The following RNF130 variants were observed in gnomAD, a reference collection of about 807,000 sequenced individuals.
RNF130 encodes the protein E3 ubiquitin-protein ligase RNF130.
In RNF130, 21 loss-of-function variants were observed where a neutral mutation model predicts 44.6. The observed-to-expected ratio is 0.47, with a 90% CI of 0.33 to 0.68. RNF130 has a LOEUF of 0.68. RNF130 is among the 30% of genes least tolerant of loss of function. The pLI, the probability that RNF130 is intolerant of heterozygous loss-of-function variation, is 0.02. For synonymous variants in RNF130, 214 were observed against 210.4 expected (o/e 1.02, Z -0.15); for missense variants, 479 against 560.6 (o/e 0.85, Z 1.47).
intron 2 of RNF130, among the ~76,000 whole-genome samples, chr5:180,033,805 TTCTA>T (rs1764188816): frequency 6.6e-6 from 1 of 152,202 alleles, no homozygotes; most frequent in African/African-American, 2.4e-5. Flanking sequence ...TTTTAATAAA[TTCTA>T]TCTGATTTTC....
At chr5:179,936,854 G>C (rs1761896713) in intron 7 of RNF130, among the ~76,000 whole-genome samples, 1 of 152,120 alleles carries the variant, frequency 6.6e-6, no homozygotes, top group African/African-American at 2.4e-5. Context: ...CACTCAGTGG[G>C]GGAAAGAACA....
intron 7 of RNF130, among the ~76,000 whole-genome samples, chr5:179,936,541 A>C (rs2113679794): frequency 6.6e-6 from 1 of 152,120 alleles, no homozygotes; most frequent in Non-Finnish European, 1.5e-5. Flanking sequence ...CTTTATTTTC[A>C]ATGGCTTTCC....
intron 8 of RNF130, among the ~76,000 whole-genome samples, chr5:179,962,701 T>C (rs1277565439): frequency 6.6e-6 from 1 of 152,140 alleles, no homozygotes; most frequent in Non-Finnish European, 1.5e-5. Context: ...CAGCATTGGA[T>C]CAAAATGGAC....
At chr5:180,068,426 A>T (rs1458145607) in intron 1 of RNF130, among the ~76,000 whole-genome samples, 2 of 152,252 alleles carry the variant, frequency 1.3e-5, no homozygotes, top group African/African-American at 4.8e-5. Flanking sequence ...TGTTAGCCCC[A>T]GGCAAATGAT....
intron 2 of RNF130, among the ~76,000 whole-genome samples, chr5:180,030,484 C>T (rs548316530): frequency 1.3e-5 from 2 of 152,252 alleles, no homozygotes; most frequent in East Asian, 1.9e-4. Flanking sequence ...TTCCATCACC[C>T]CCCAGAAAAT....
intron 1 of RNF130, among the ~76,000 whole-genome samples, chr5:180,048,695 G>A (rs937144074): frequency 6.6e-6 from 1 of 152,164 alleles, no homozygotes; most frequent in Non-Finnish European, 1.5e-5. Context: ...TTGCGGTGAA[G>A]AATTCAGCAC....
chr5:179,920,327 T>C (rs915314307), exon 8 of RNF130: 2 of 701,228 alleles, frequency 2.9e-6, no homozygotes, highest in Non-Finnish European at 5.2e-6. Context: ...TCAGGTTTTG[T>C]TCTCATCATA....
chr5:179,927,776 G>C (rs1286905383), intron 7 of RNF130, among the ~76,000 whole-genome samples: 1 of 151,702 alleles, frequency 6.6e-6, no homozygotes, highest in Non-Finnish European at 1.5e-5. Context: ...ATTTTTAGTA[G>C]AGATAGGCTT....
intron 2 of RNF130, among the ~76,000 whole-genome samples, chr5:180,023,167 G>A (rs1488303026): frequency 6.6e-6 from 1 of 152,264 alleles, no homozygotes; most frequent in East Asian, 1.9e-4. Flanking sequence ...TATTAGAATT[G>A]GAGACATAAG....
At chr5:180,042,799 G>A (rs968546114) in intron 1 of RNF130, among the ~76,000 whole-genome samples, 9 of 152,302 alleles carry the variant, frequency 5.9e-5, no homozygotes, top group African/African-American at 2.2e-4. Context: ...ATTTGTCTGT[G>A]ACTTATCTCT....
intron 8 of RNF130, among the ~76,000 whole-genome samples, chr5:179,959,119 C>T (rs1032139249): frequency 7.9e-5 from 12 of 152,086 alleles, no homozygotes; most frequent in Non-Finnish European, 1.5e-4. Flanking sequence ...CCAGGCAATA[C>T]GGGTAAAAGA....
chr5:180,037,489 G>A (rs1006744549), intron 2 of RNF130, among the ~76,000 whole-genome samples: 1 of 152,174 alleles, frequency 6.6e-6, no homozygotes, highest in African/African-American at 2.4e-5. Context: ...CACAGAGCAC[G>A]TCAGTGGAAA....
chr5:179,936,038 G>A (rs1029742554), intron 7 of RNF130, among the ~76,000 whole-genome samples: 7 of 152,290 alleles, frequency 4.6e-5, no homozygotes, highest in East Asian at 1.9e-4. Flanking sequence ...CTGCATCTCC[G>A]TGTTTCCATC....
chr5:180,055,440 T>TCTGTGTGTGTGTG (rs57927481), intron 1 of RNF130, among the ~76,000 whole-genome samples: 15 of 150,664 alleles, frequency 1.0e-4, no homozygotes, highest in Non-Finnish European at 1.5e-4. Context: ...TCAGATGACT[T>TCTGTGTGTGTGTG]TGTGTGTGTG....
At chr5:179,975,211 AG>A (rs1561676656) in intron 5 of RNF130, among the ~76,000 whole-genome samples, 1 of 152,228 alleles carries the variant, frequency 6.6e-6, no homozygotes, top group Non-Finnish European at 1.5e-5. Flanking sequence ...CCAAGGCAGA[AG>A]GAATTCTGTA....
intron 7 of RNF130, among the ~76,000 whole-genome samples, chr5:179,928,401 T>C (rs1364065127): frequency 6.6e-6 from 1 of 152,108 alleles, no homozygotes; most frequent in Non-Finnish European, 1.5e-5. Context: ...ATACACGGCA[T>C]TTCACTATGT....
intron 2 of RNF130, among the ~76,000 whole-genome samples, chr5:180,021,615 AAAT>A (rs1434002589): frequency 6.6e-6 from 1 of 151,934 alleles, no homozygotes; most frequent in African/African-American, 2.4e-5. Context: ...ATTCATTTAA[AAAT>A]AATAATAATT....
chr5:180,017,562 C>T (rs1371139003), intron 2 of RNF130, among the ~76,000 whole-genome samples: 1 of 152,144 alleles, frequency 6.6e-6, no homozygotes, highest in Non-Finnish European at 1.5e-5. Context: ...ATTTCTTCTA[C>T]ATTTTGTAAA....
At chr5:180,037,326 G>A (rs1764272352) in intron 2 of RNF130, among the ~76,000 whole-genome samples, 1 of 152,240 alleles carries the variant, frequency 6.6e-6, no homozygotes, top group African/African-American at 2.4e-5. Flanking sequence ...CTCTCACACG[G>A]TTGGAGGTGA....
Sources: gnomAD v4.1 joint callset for allele counts (sites outside exome capture counted in the v4.1 genomes callset) on GRCh38, gnomAD v4.1.1 for gene constraint, MANE v1.5 for transcripts, NCBI Gene and HGNC (gene_info 2026-07-23, HGNC 2026-07-21) for gene names.